Variants in ACTR3C observed in about 807,000 individuals in gnomAD.
ACTR3C encodes actin-related protein 3C.
Under a neutral mutation model 26.3 loss-of-function variants are expected in ACTR3C, and 18 were observed. The observed-to-expected ratio is 0.68, with a 90% CI of 0.47 to 1.01. The LOEUF (loss-of-function observed/expected upper bound fraction) is 1.01, where lower values mean the gene tolerates loss of function less well. ACTR3C is among the 50% of genes least tolerant of loss of function. The probability of loss-of-function intolerance (pLI) is 0.00; values close to 1 mark genes in which losing one functional copy is unlikely to be tolerated. For synonymous variants in ACTR3C, 55 were observed against 94.5 expected, an observed-to-expected ratio of 0.58 and a Z score of 2.42; for missense variants, 184 against 250.7, an observed-to-expected ratio of 0.73 and a Z score of 1.80.
At chr7:150,004,172 T>C in the ACTR3C span, among the ~76,000 whole-genome samples, 1 of 151,806 alleles carries the variant, frequency 6.6e-6, no homozygotes, top group South Asian at 2.1e-4. Context: ...GTGTGTATGA[T>C]GTATGATGTC....
At chr7:150,021,425 G>A in the ACTR3C span, among the ~76,000 whole-genome samples, 12 of 150,640 alleles carry the variant, frequency 8.0e-5, no homozygotes, top group Non-Finnish European at 1.6e-4. Flanking sequence ...GTACAGTTGA[G>A]AGTTATTGTC....
the ACTR3C span, among the ~76,000 whole-genome samples, chr7:150,227,830 C>G: frequency 6.6e-6 from 1 of 150,782 alleles, no homozygotes; most frequent in Non-Finnish European, 1.5e-5. Context: ...AATTTCTGGG[C>G]TCTCAATTCT....
chr7:150,195,528 T>G, the ACTR3C span, among the ~76,000 whole-genome samples: 2 of 152,234 alleles, frequency 1.3e-5, no homozygotes, highest in African/African-American at 4.8e-5. Context: ...TGAAAGATAT[T>G]TTCCCTCTGT....
intron 1 of ACTR3C, among the ~76,000 whole-genome samples, chr7:150,307,480 T>C (rs1395167263): frequency 1.1e-4 from 16 of 152,256 alleles, no homozygotes; most frequent in Admixed American, 1.0e-3. Context: ...ATAAGACTTA[T>C]GATCTCCCCA....
chr7:150,207,538 T>G, the ACTR3C span, among the ~76,000 whole-genome samples: 1 of 152,110 alleles, frequency 6.6e-6, no homozygotes. Flanking sequence ...ATTTTTAGTT[T>G]GAAAACATTT....
chr7:149,962,385 C>T, the ACTR3C span, among the ~76,000 whole-genome samples: 13 of 152,034 alleles, frequency 8.6e-5, no homozygotes, highest in Non-Finnish European at 1.3e-4. Context: ...AAATTAGATC[C>T]ACACACCATT....
the ACTR3C span, among the ~76,000 whole-genome samples, chr7:150,039,513 G>T: frequency 1.2e-5 from 1 of 83,046 alleles, no homozygotes; most frequent in Non-Finnish European, 2.8e-5. Flanking sequence ...TCTCGTGGGG[G>T]GTGCCTCCCC....
chr7:150,066,140 A>G, the ACTR3C span, among the ~76,000 whole-genome samples: 7 of 152,232 alleles, frequency 4.6e-5, no homozygotes, highest in African/African-American at 1.2e-4. Flanking sequence ...GATCTCAAAC[A>G]TACACACACA....
chr7:150,210,048 T>A, the ACTR3C span, among the ~76,000 whole-genome samples: 2 of 150,718 alleles, frequency 1.3e-5, no homozygotes, highest in African/African-American at 4.9e-5. Flanking sequence ...AGTAACCCAA[T>A]CAAAAATATG....
At chr7:150,080,527 A>ATGTG in the ACTR3C span, among the ~76,000 whole-genome samples, 4,723 of 142,590 alleles carry the variant, frequency 0.033, 155 homozygotes, top group African/African-American at 0.087. Context: ...TTGTGTGTGT[A>ATGTG]TGTGTGTGTG....
At chr7:150,103,056 A>C in the ACTR3C span, among the ~76,000 whole-genome samples, 4 of 148,262 alleles carry the variant, frequency 2.7e-5, no homozygotes, top group Non-Finnish European at 4.4e-5. Flanking sequence ...GTTTGAATAC[A>C]AAACAGGTGT....
the ACTR3C span, among the ~76,000 whole-genome samples, chr7:149,923,781 T>G: frequency 4.6e-5 from 7 of 151,934 alleles, no homozygotes; most frequent in African/African-American, 1.5e-4. Flanking sequence ...GTGGATCACC[T>G]GAGGTCACGA....
chr7:150,228,685 G>A, the ACTR3C span, among the ~76,000 whole-genome samples: 2 of 152,012 alleles, frequency 1.3e-5, no homozygotes, highest in Non-Finnish European at 2.9e-5. Context: ...TTTGGTTCAG[G>A]CAGACTGTAT....
At chr7:150,260,704 G>A (rs1198814683) in intron 6 of ACTR3C, among the ~76,000 whole-genome samples, 1 of 152,202 alleles carries the variant, frequency 6.6e-6, no homozygotes, top group East Asian at 1.9e-4. Flanking sequence ...ATCTAGAAGG[G>A]ATGCTGTTTG....
the ACTR3C span, among the ~76,000 whole-genome samples, chr7:150,231,768 T>G: frequency 4.6e-5 from 7 of 152,118 alleles, no homozygotes; most frequent in Non-Finnish European, 8.8e-5. Context: ...TTTGTTCCTG[T>G]GTGTTTTATG....
the ACTR3C span, among the ~76,000 whole-genome samples, chr7:150,035,204 G>A: frequency 7.5e-6 from 1 of 133,410 alleles, no homozygotes; most frequent in African/African-American, 2.9e-5. Flanking sequence ...CGCCTCACGG[G>A]GGGTGCCTCC....
At chr7:150,027,494 A>ATC in the ACTR3C span, among the ~76,000 whole-genome samples, 1 of 147,350 alleles carries the variant, frequency 6.8e-6, no homozygotes, top group Non-Finnish European at 1.5e-5. Context: ...ATGGCCTGAA[A>ATC]TCTCCTAACC....
the ACTR3C span, among the ~76,000 whole-genome samples, chr7:149,959,556 G>A: frequency 6.6e-6 from 1 of 152,292 alleles, no homozygotes. Flanking sequence ...TGGAGAAACA[G>A]ATGGATTTTG....
chr7:150,150,350 C>A, the ACTR3C span, among the ~76,000 whole-genome samples: 1 of 152,174 alleles, frequency 6.6e-6, no homozygotes, highest in South Asian at 2.1e-4. Context: ...CTTGATGCCA[C>A]CTTCTGAGAT....
Sources: allele counts gnomAD v4.1 joint callset (sites outside exome capture counted in the v4.1 genomes callset), GRCh38; gene constraint gnomAD v4.1.1; transcripts MANE v1.5; gene names NCBI Gene and HGNC (gene_info 2026-07-23, HGNC 2026-07-21).